The following LRRC4C variants were observed in gnomAD, a reference collection of about 807,000 sequenced individuals.
LRRC4C encodes the protein leucine-rich repeat-containing protein 4C.
In LRRC4C, 5 loss-of-function variants were observed where a neutral mutation model predicts 33.6. The observed-to-expected ratio is 0.15, with a 90% CI of 0.08 to 0.31. LRRC4C has a LOEUF of 0.31. Ranked by LOEUF, LRRC4C falls within the 10% of genes least tolerant of loss-of-function variation. The pLI is 1.00. For missense variants in LRRC4C, 560 were observed against 796.7 expected (o/e 0.70, Z 3.58); for synonymous variants, 329 against 302.0 (o/e 1.09, Z -0.93).
At chr11:40,936,065 T>TATATAAAA (rs1555008817) in intron 1 of LRRC4C, among the ~76,000 whole-genome samples, 6 of 75,820 alleles carry the variant, frequency 7.9e-5, no homozygotes, top group Admixed American at 1.5e-4. Flanking sequence ...TATATATATA[T>TATATAAAA]AACATAGTTT....
intron 1 of LRRC4C, among the ~76,000 whole-genome samples, chr11:41,065,897 C>T (rs373582020): frequency 3.3e-5 from 5 of 152,258 alleles, no homozygotes; most frequent in Admixed American, 1.3e-4. Context: ...TCCACAAAAA[C>T]CCCATCCAAA....
At chr11:40,233,536 T>G (rs1469003675) in intron 5 of LRRC4C, among the ~76,000 whole-genome samples, 2 of 152,306 alleles carry the variant, frequency 1.3e-5, no homozygotes, top group East Asian at 3.9e-4. Flanking sequence ...GATATTTTGA[T>G]GCAAATGATA....
intron 1 of LRRC4C, among the ~76,000 whole-genome samples, chr11:41,083,675 T>G (rs1016596691): frequency 1.3e-5 from 2 of 152,108 alleles, no homozygotes; most frequent in Non-Finnish European, 1.5e-5. Flanking sequence ...CGAAAAAAAT[T>G]TAAATATTAT....
At chr11:40,580,914 T>C (rs1180327399) in intron 3 of LRRC4C, among the ~76,000 whole-genome samples, 1 of 152,262 alleles carries the variant, frequency 6.6e-6, no homozygotes, top group Non-Finnish European at 1.5e-5. Context: ...TAATACTGCT[T>C]CTTTTGGTTA....
At chr11:40,825,795 G>A (rs1359258549) in intron 2 of LRRC4C, among the ~76,000 whole-genome samples, 1 of 151,532 alleles carries the variant, frequency 6.6e-6, no homozygotes, top group African/African-American at 2.4e-5. Flanking sequence ...CATGTTGACT[G>A]GATGACACAA....
chr11:41,336,242 CTTTT>C (rs201060992), intron 1 of LRRC4C, among the ~76,000 whole-genome samples: 3 of 148,672 alleles, frequency 2.0e-5, no homozygotes, highest in African/African-American at 7.5e-5. Flanking sequence ...ATAGACTTTC[CTTTT>C]TTTTTAAAAA....
intron 1 of LRRC4C, among the ~76,000 whole-genome samples, chr11:41,107,407 TATA>T (rs1382507994): frequency 1.6e-4 from 24 of 152,236 alleles, no homozygotes; most frequent in African/African-American, 5.8e-4. Context: ...AACATGTAGC[TATA>T]ATAATATATC....
chr11:40,939,136 C>T (rs74734641), intron 1 of LRRC4C, among the ~76,000 whole-genome samples: 9,946 of 152,138 alleles, frequency 0.065, 445 homozygotes, highest in Admixed American at 0.15. Context: ...AATTGTCTCA[C>T]GATTTCTTGG....
chr11:40,474,475 A>T (rs779014453), intron 3 of LRRC4C, among the ~76,000 whole-genome samples: 9 of 152,212 alleles, frequency 5.9e-5, no homozygotes, highest in Non-Finnish European at 7.3e-5. Flanking sequence ...AAAACCATAA[A>T]AACCCTTGAA....
intron 1 of LRRC4C, among the ~76,000 whole-genome samples, chr11:41,449,659 T>C (rs1402251843): frequency 6.6e-6 from 1 of 151,758 alleles, no homozygotes; most frequent in African/African-American, 2.4e-5. Flanking sequence ...CAAGGTGTTA[T>C]TCAAACAGGC....
At chr11:41,128,104 G>A (rs1942835389) in intron 1 of LRRC4C, among the ~76,000 whole-genome samples, 1 of 151,944 alleles carries the variant, frequency 6.6e-6, no homozygotes, top group Non-Finnish European at 1.5e-5. Flanking sequence ...AAAAGGGAAG[G>A]CCCATATTTT....
chr11:40,357,435 G>A (rs1947722684), intron 3 of LRRC4C, among the ~76,000 whole-genome samples: 1 of 151,956 alleles, frequency 6.6e-6, no homozygotes, highest in Non-Finnish European at 1.5e-5. Context: ...AGAATTAATT[G>A]GTTCATTTAG....
intron 3 of LRRC4C, among the ~76,000 whole-genome samples, chr11:40,548,850 C>G (rs556513785): frequency 6.6e-6 from 1 of 152,236 alleles, no homozygotes; most frequent in East Asian, 1.9e-4. Context: ...AGTGCATGTA[C>G]TCCCTGTACC....
chr11:41,455,901 T>A (rs1956158946), intron 1 of LRRC4C, among the ~76,000 whole-genome samples: 1 of 152,168 alleles, frequency 6.6e-6, no homozygotes, highest in Non-Finnish European at 1.5e-5. Context: ...TTTTTTCTTC[T>A]AATTTTAACC....
intron 2 of LRRC4C, among the ~76,000 whole-genome samples, chr11:40,772,143 C>A (rs1017173869): frequency 6.6e-6 from 1 of 152,142 alleles, no homozygotes; most frequent in Non-Finnish European, 1.5e-5. Context: ...ATTAACTCAC[C>A]TTTCTGCATG....
Position 40,845,611 on chromosome 11 carries a change from T to C in LRRC4C, c.-407+88024A>G, listed in dbSNP as rs1164343748. On this transcript the variant is annotated intron_variant, in intron 2 of 6. Transcript: ENST00000528697. ...GACATTTGTGTTGATTCCAAGTCTT[T>C]GCTGTTGTAAATAGTGGTGCAATAA... is the stretch of plus-strand genomic sequence containing the variant. Among the ~76,000 whole-genome samples, 5 of 152,188 alleles carry C rather than the reference T, an allele frequency of 3.3e-5. No individual in the cohort carries two copies. The Middle Eastern group carries it at 9.5e-3, about 289-fold the overall frequency.
intron 2 of LRRC4C, among the ~76,000 whole-genome samples, chr11:40,716,812 G>A (rs567410014): frequency 3.3e-5 from 5 of 152,218 alleles, no homozygotes; most frequent in Non-Finnish European, 7.4e-5. Flanking sequence ...AAAGCCAAAA[G>A]GAGAGTGACA....
At chr11:40,454,134 T>C (rs1009336348) in intron 3 of LRRC4C, among the ~76,000 whole-genome samples, 4 of 152,038 alleles carry the variant, frequency 2.6e-5, no homozygotes, top group African/African-American at 9.7e-5. Flanking sequence ...TTTCCTAGTG[T>C]TTCCCCAATA....
intron 1 of LRRC4C, among the ~76,000 whole-genome samples, chr11:41,136,113 T>C (rs539261272): frequency 2.1e-4 from 32 of 152,180 alleles, no homozygotes; most frequent in African/African-American, 7.2e-4. Flanking sequence ...GTCTAGGAAG[T>C]GGATATACAA....
Sources: gnomAD v4.1 joint callset for allele counts (sites outside exome capture counted in the v4.1 genomes callset) on GRCh38, gnomAD v4.1.1 for gene constraint, MANE v1.5 for transcripts, NCBI Gene and HGNC (gene_info 2026-07-23, HGNC 2026-07-21) for gene names.